Variants in PCDHGB4 observed in about 807,000 individuals in gnomAD.
The protein encoded by PCDHGB4 is protocadherin gamma-B4.
Under a neutral mutation model 60.5 loss-of-function variants are expected in PCDHGB4, and 38 were observed. The observed-to-expected ratio is 0.63, with a 90% CI of 0.48 to 0.82. The LOEUF (loss-of-function observed/expected upper bound fraction) is 0.82, where lower values mean the gene tolerates loss of function less well. Ranked by LOEUF, PCDHGB4 falls within the 40% of genes least tolerant of loss-of-function variation. The probability of loss-of-function intolerance (pLI) is 0.00; values close to 1 mark genes in which losing one functional copy is unlikely to be tolerated. For synonymous variants in PCDHGB4, 456 were observed against 509.7 expected (o/e 0.89, Z 1.42); for missense variants, 1,109 against 1,209.6 (o/e 0.92, Z 1.23).
chr5:141,445,224 G>A (rs1016307216), intron 1 of PCDHGB4, among the ~76,000 whole-genome samples: 6 of 152,194 alleles, frequency 3.9e-5, no homozygotes, highest in Admixed American at 2.0e-4. Context: ...GAGGTGCAAA[G>A]TGCTCTATTC....
rs747437039 is a variant in PCDHGB4 at position 141,413,919 on chromosome 5, G to T, written c.2397+23638G>T. The T allele has an allele frequency of 1.2e-5, 19 of 1,613,284 alleles. 1 individual carries two copies. The highest frequency in any genetic ancestry group is 1.6e-5 in the Non-Finnish European group (19 of 1,179,890). ...ATGACAACGCGCCGGTCTTCACCTT[G>T]CCAGAATACCGAGTGAGTGTTCCTG... On this transcript the variant is annotated intron_variant, in intron 1 of 3. Transcript: ENST00000519479.
At chr5:141,433,261 A>G (rs761584659) in intron 1 of PCDHGB4, 4 of 1,344,710 alleles carry the variant, frequency 3.0e-6, no homozygotes, top group Non-Finnish European at 4.1e-6. Context: ...CGGTACGATC[A>G]TAGCTCACTG....
intron 1 of PCDHGB4, among the ~76,000 whole-genome samples, chr5:141,453,393 A>G (rs2098764590): frequency 6.6e-6 from 1 of 152,018 alleles, no homozygotes; most frequent in Non-Finnish European, 1.5e-5. Flanking sequence ...CTTAGCCTCC[A>G]AGTGCTGGTA....
intron 1 of PCDHGB4, chr5:141,478,484 C>A (rs376021397): frequency 1.2e-5 from 20 of 1,613,340 alleles, no homozygotes; most frequent in Non-Finnish European, 1.4e-5. Context: ...GAACACGCTG[C>A]GGAGCTGTGA....
intron 1 of PCDHGB4, chr5:141,411,909 A>T (rs1176626028): frequency 6.6e-6 from 1 of 152,204 alleles, no homozygotes; most frequent in Non-Finnish European, 1.5e-5. Flanking sequence ...TTGCCTTTGC[A>T]CTCAGTCTCT....
chr5:141,414,540 C>G, intron 1 of PCDHGB4: 1 of 1,613,948 alleles, frequency 6.2e-7, no homozygotes. Flanking sequence ...ACCCACCTAC[C>G]TTCTCTCAAG....
intron 1 of PCDHGB4, chr5:141,412,884 G>A: frequency 3.2e-6 from 1 of 311,540 alleles, no homozygotes. Flanking sequence ...TAATCCAACA[G>A]AATAGTTTAC....
chr5:141,393,465 G>A lies in PCDHGB4; in HGVS notation c.2397+3184G>A, dbSNP rs776962387. The stretch of plus-strand genomic sequence containing the variant: ...CCTGGTCCTCACGGCCTCGGATGGC[G>A]GCAAGCCGCCTCGCTCTAGCACAGT... On this transcript the variant is annotated intron_variant, in intron 1 of 3. Transcript: ENST00000519479. 23 of 1,614,048 alleles carry A rather than the reference G, an allele frequency of 1.4e-5. No homozygotes were observed. The East Asian group carries it at 5.1e-4, about 36-fold the overall frequency.
chr5:141,394,740 G>A (rs148904388), intron 1 of PCDHGB4: 174 of 1,613,404 alleles, frequency 1.1e-4, no homozygotes, highest in Non-Finnish European at 1.4e-4. Flanking sequence ...GCAGAGCCTC[G>A]TGGTGGCCGT....
chr5:141,440,980 C>T (rs972732898), intron 1 of PCDHGB4: 1 of 152,242 alleles, frequency 6.6e-6, no homozygotes. Context: ...GCTTCACAAC[C>T]CAGAGTACCC....
intron 1 of PCDHGB4, chr5:141,418,983 A>T: frequency 6.2e-7 from 1 of 1,613,900 alleles, no homozygotes; most frequent in Admixed American, 1.7e-5. Context: ...CGGGACCAAG[A>T]CTCAGGGGAA....
At chr5:141,428,220 C>T (rs1228544858) in intron 1 of PCDHGB4, 1 of 1,178,786 alleles carries the variant, frequency 8.5e-7, no homozygotes. Flanking sequence ...ACCTAGTCTT[C>T]GCAGACAGCC....
At chr5:141,449,080 A>G (rs2098627421) in intron 1 of PCDHGB4, among the ~76,000 whole-genome samples, 1 of 152,198 alleles carries the variant, frequency 6.6e-6, no homozygotes, top group Non-Finnish European at 1.5e-5. Context: ...CCCTGTACCT[A>G]CATCAGTTTT....
At chr5:141,424,959 C>A (rs1561817087) in intron 1 of PCDHGB4, among the ~76,000 whole-genome samples, 4 of 152,152 alleles carry the variant, frequency 2.6e-5, no homozygotes, top group Non-Finnish European at 5.9e-5. Flanking sequence ...TAGGTATTTG[C>A]CCCAAATTAC....
rs146748846 is a variant in PCDHGB4 at position 141,452,937 on chromosome 5, G to C, written c.2398-41870G>C. 4.0e-4 allele frequency among the ~76,000 whole-genome samples: 61 copies of C among 152,254 alleles called. No individual in the cohort carries two copies. The East Asian group carries it at 0.01, about 26-fold the overall frequency. On this transcript the variant is annotated intron_variant, in intron 1 of 3. Coordinates refer to ENST00000519479, the MANE Select transcript of PCDHGB4 (RefSeq NM_003736.4). The stretch of plus-strand genomic sequence containing the variant: ...AGTAAGAAAGAGCTGCTGAAGATTT[G>C]CTTGCAATTGGTTGTCTTTAAACTG...
Position 141,487,548 on chromosome 5 carries a change from G to T in PCDHGB4, c.2398-7259G>T. The T allele has an allele frequency of 6.2e-7, 1 of 1,614,190 alleles. No homozygotes were observed. Among genetic ancestry groups the T allele is most frequent in the Non-Finnish European group, 8.5e-7 (1 of 1,180,038 alleles). ...AGCTTCATGATGGTGAAGTCACCCA[G>T]TGCACCTATGGCAGGGGAGCCTGTT... is the stretch of plus-strand genomic sequence containing the variant. On this transcript the variant is annotated intron_variant, in intron 1 of 3. Coordinates refer to ENST00000519479, the MANE Select transcript of PCDHGB4 (RefSeq NM_003736.4). The surrounding 1 kb of genome is among the most constrained non-coding windows in gnomAD (Gnocchi z 5.0).
intron 1 of PCDHGB4, among the ~76,000 whole-genome samples, chr5:141,436,749 C>T (rs2097844674): frequency 6.6e-6 from 1 of 152,154 alleles, no homozygotes; most frequent in Admixed American, 6.5e-5. Flanking sequence ...TGTGCTTCTC[C>T]ATATGGTATA....
At chr5:141,392,303 A>G (rs2092505903) in intron 1 of PCDHGB4, 1 of 151,852 alleles carries the variant, frequency 6.6e-6, no homozygotes, top group South Asian at 2.1e-4. Context: ...TGAAAGTATC[A>G]TGTTTTTTTT....
At chr5:141,401,677 G>C (rs1017959276) in intron 1 of PCDHGB4, among the ~76,000 whole-genome samples, 2 of 152,184 alleles carry the variant, frequency 1.3e-5, no homozygotes, top group Non-Finnish European at 2.9e-5. Flanking sequence ...CATCCTTGTA[G>C]GATGGAAGGT....
Sources: gnomAD v4.1 joint callset for allele counts (sites outside exome capture counted in the v4.1 genomes callset) on GRCh38, gnomAD v4.1.1 for gene constraint, Gnocchi (gnomAD v3.1) non-coding constraint, MANE v1.5 for transcripts, NCBI Gene and HGNC (gene_info 2026-07-23, HGNC 2026-07-21) for gene names.